ROR1: variants seen among roughly 807,000 people sequenced by gnomAD.
ROR1 encodes the protein ROR family WNT receptor 1.
In ROR1, 19 loss-of-function variants were observed where a neutral mutation model predicts 78.8. The ratio of observed to expected loss-of-function variants is 0.24; its 90% CI spans 0.17 to 0.35. The LOEUF (loss-of-function observed/expected upper bound fraction) is 0.35, where lower values mean the gene tolerates loss of function less well. Ranked by LOEUF, ROR1 falls within the 10% of genes least tolerant of loss-of-function variation. ROR1 has a pLI of 1.00. For missense variants in ROR1, 917 were observed against 1,177.8 expected (o/e 0.78, Z 3.24); for synonymous variants, 386 against 433.6 (o/e 0.89, Z 1.36).
chr1:64,071,058 G>A (rs1646999513), intron 4 of ROR1, among the ~76,000 whole-genome samples: 1 of 152,208 alleles, frequency 6.6e-6, no homozygotes. Context: ...ATGGAAAATG[G>A]TTTTGTCACG....
At position 63,839,915 on chromosome 1, in the gene ROR1, G is replaced by A. The variant is rs566071909; in HGVS notation, c.91+65407G>A. 6.6e-5 allele frequency among the ~76,000 whole-genome samples: 10 copies of A among 152,010 alleles called. No homozygotes were observed. The South Asian group carries it at 1.5e-3, about 22-fold the overall frequency. ...CAAAATTTGATGAAAATCCAAGGTGGCCCAACACAGTGGCTGAATATATCT... is the reference window on the plus strand; with the variant it reads ...CAAAATTTGATGAAAATCCAAGGTGACCCAACACAGTGGCTGAATATATCT... On this transcript the variant is annotated intron_variant, in intron 1 of 8. Transcript: ENST00000371079.
chr1:63,843,723 G>T (rs1432486716), intron 1 of ROR1: 3 of 454,870 alleles, frequency 6.6e-6, no homozygotes, highest in Non-Finnish European at 1.3e-5. Flanking sequence ...ATGGAGAGCC[G>T]CAGAAGACAA....
At chr1:64,052,327 G>A (rs1316153904) in intron 4 of ROR1, among the ~76,000 whole-genome samples, 1 of 151,802 alleles carries the variant, frequency 6.6e-6, no homozygotes, top group Non-Finnish European at 1.5e-5. Flanking sequence ...GTTAATCTGT[G>A]TTTCAAATGT....
At chr1:64,025,959 A>C (rs771592848) in intron 2 of ROR1, among the ~76,000 whole-genome samples, 22 of 152,226 alleles carry the variant, frequency 1.4e-4, no homozygotes, top group Non-Finnish European at 2.8e-4. Context: ...TCAAATCACC[A>C]CTAAAGCACT....
chr1:64,009,892 C>T (rs1646462415), intron 2 of ROR1, among the ~76,000 whole-genome samples: 1 of 152,108 alleles, frequency 6.6e-6, no homozygotes, highest in Non-Finnish European at 1.5e-5. Flanking sequence ...TTAATTAAGC[C>T]CCGCCATATG....
Position 63,774,391 on chromosome 1 carries a change from G to C in ROR1, c.-27G>C, listed in dbSNP as rs1644598209. The C allele has an allele frequency of 8.0e-7, 1 of 1,251,580 alleles. No individual in the cohort carries two copies. The highest frequency in any genetic ancestry group is 1.0e-6 in the Non-Finnish European group (1 of 990,372). 77.5% of individuals were successfully genotyped at this position (1,251,580 alleles called of 1,614,324 possible). ...TTCTGCGCGCGGCCTGGGAGCCGCC[G>C]CCGCCGCCGCCTCAGCGAGAGGAGG... On this transcript the variant is annotated 5_prime_UTR_variant, in exon 1 of 9. Coordinates refer to ENST00000371079, the MANE Select transcript of ROR1 (RefSeq NM_005012.4). This position sits in a 1 kb window ranked among gnomAD's most constrained non-coding sequence, Gnocchi z 5.7.
At chr1:64,041,599 A>G (rs1452775247) in intron 2 of ROR1, among the ~76,000 whole-genome samples, 1 of 152,160 alleles carries the variant, frequency 6.6e-6, no homozygotes, top group East Asian at 1.9e-4. Context: ...CTCTAAGTGC[A>G]TATTTGCAGA....
In ROR1 at chr1:63,908,532, T is replaced by G. The variant is rs200546191; in HGVS notation, c.92-100773T>G. Among the ~76,000 whole-genome samples, 16 of 152,352 alleles carry G rather than the reference T, an allele frequency of 1.1e-4. No homozygotes were observed. The East Asian group carries it at 3.1e-3, about 29-fold the overall frequency. Reference sequence around the variant, plus strand: ...TGGTGTCTTAACCTCTTCGCTCCCCTGTTTATGTATTTATATGTATAGGGA... The same window carrying G: ...TGGTGTCTTAACCTCTTCGCTCCCCGGTTTATGTATTTATATGTATAGGGA... On this transcript the variant is annotated intron_variant, in intron 1 of 8. Transcript: ENST00000371079.
At chr1:64,015,563 T>C (rs1342658123) in intron 2 of ROR1, among the ~76,000 whole-genome samples, 1 of 152,200 alleles carries the variant, frequency 6.6e-6, no homozygotes, top group Non-Finnish European at 1.5e-5. Context: ...GCCTATAGCT[T>C]AGAGCTTGAT....
At chr1:64,004,981 T>C (rs999271183) in intron 1 of ROR1, among the ~76,000 whole-genome samples, 5 of 152,198 alleles carry the variant, frequency 3.3e-5, no homozygotes, top group Admixed American at 6.5e-5. Context: ...ATGCTTGGTT[T>C]GCTCAAATTG....
At chr1:64,103,562 G>T (rs953510886) in intron 4 of ROR1, among the ~76,000 whole-genome samples, 18 of 152,110 alleles carry the variant, frequency 1.2e-4, no homozygotes, top group Non-Finnish European at 1.0e-4. Context: ...TGCCTGAAAT[G>T]GTTGGTGATT....
chr1:63,850,058 C>T (rs1645104470), intron 1 of ROR1, among the ~76,000 whole-genome samples: 1 of 152,226 alleles, frequency 6.6e-6, no homozygotes, highest in Admixed American at 6.5e-5. Context: ...TTTTTGCTCT[C>T]TGTGCATAAA....
chr1:64,143,546 A>G (rs1649390214), intron 7 of ROR1, among the ~76,000 whole-genome samples: 1 of 152,178 alleles, frequency 6.6e-6, no homozygotes, highest in Non-Finnish European at 1.5e-5. Flanking sequence ...GAGGGTGGGC[A>G]AACAAGAGCA....
chr1:63,939,931 C>T (rs1370063089), intron 1 of ROR1, among the ~76,000 whole-genome samples: 2 of 152,064 alleles, frequency 1.3e-5, no homozygotes, highest in African/African-American at 2.4e-5. Context: ...ATTCATTCAA[C>T]GGGTTTCTAC....
chr1:63,778,298 G>A (rs894891001), intron 1 of ROR1, among the ~76,000 whole-genome samples: 5 of 152,140 alleles, frequency 3.3e-5, no homozygotes, highest in African/African-American at 4.8e-5. Context: ...GCATTTTTAC[G>A]GTTCTGTATT....
At chr1:64,141,436 G>T (rs555966486) in intron 6 of ROR1, among the ~76,000 whole-genome samples, 1 of 152,126 alleles carries the variant, frequency 6.6e-6, no homozygotes, top group East Asian at 1.9e-4. Context: ...TACCACGGGG[G>T]GTTTGTGCTA....
Position 63,947,235 on chromosome 1 carries a change from T to C in ROR1, c.92-62070T>C, listed in dbSNP as rs372604376. Among the ~76,000 whole-genome samples, 8 of 152,192 alleles carry C rather than the reference T, an allele frequency of 5.3e-5. No homozygotes were observed. The East Asian group carries it at 5.8e-4, about 11-fold the overall frequency. ...ACAGTCCCCTGTATGGCAGCCCAAC[T>C]TGTTAATCATCGCACTGGCAGGCTA... On this transcript the variant is annotated intron_variant, in intron 1 of 8. Transcript: ENST00000371079.
intron 1 of ROR1, among the ~76,000 whole-genome samples, chr1:63,980,127 A>C (rs1646197427): frequency 6.6e-6 from 1 of 151,894 alleles, no homozygotes; most frequent in South Asian, 2.1e-4. Context: ...TGAGAAAAAA[A>C]TATATTTATA....
chr1:63,857,707 T>C (rs905253824), intron 1 of ROR1, among the ~76,000 whole-genome samples: 21 of 152,222 alleles, frequency 1.4e-4, no homozygotes, highest in Admixed American at 3.3e-4. Context: ...ACTAGAGTTA[T>C]GGTCAAGTGC....
Sources: gnomAD v4.1 joint callset for allele counts (sites outside exome capture counted in the v4.1 genomes callset) on GRCh38, gnomAD v4.1.1 for gene constraint, Gnocchi (gnomAD v3.1) non-coding constraint, MANE v1.5 for transcripts, NCBI Gene and HGNC (gene_info 2026-07-23, HGNC 2026-07-21) for gene names.